OSBP2: variants seen among roughly 807,000 people sequenced by gnomAD.
OSBP2 encodes oxysterol binding protein 2, also known as oxysterol-binding protein 2.
Under a neutral mutation model 96.0 loss-of-function variants are expected in OSBP2, and 66 were observed. That is an observed-to-expected ratio of 0.69 (90% CI 0.56 to 0.84). The LOEUF is 0.84. OSBP2 is among the 40% of genes least tolerant of loss of function. The pLI, the probability that OSBP2 is intolerant of heterozygous loss-of-function variation, is 0.00. For missense variants in OSBP2, 1,038 were observed against 1,222.7 expected (o/e 0.85, Z 2.25); for synonymous variants, 525 against 520.9 (o/e 1.01, Z -0.11).
At chr22:30,904,093 C>A (rs999609308) in intron 12 of OSBP2, among the ~76,000 whole-genome samples, 1 of 152,190 alleles carries the variant, frequency 6.6e-6, no homozygotes, top group African/African-American at 2.4e-5. Context: ...GTACCCAAAT[C>A]CCAGTCTTCC....
chr22:30,883,653 C>T (rs2039746633), intron 3 of OSBP2, among the ~76,000 whole-genome samples: 1 of 152,176 alleles, frequency 6.6e-6, no homozygotes, highest in Non-Finnish European at 1.5e-5. Flanking sequence ...CTGGCTCTGC[C>T]ACCTCCTTGC....
rs140445767 is a variant in OSBP2, at chr22:30,758,211, G to A, written c.853+16842G>A. Among the ~76,000 whole-genome samples the A allele has an allele frequency of 2.0e-3, 308 of 152,198 alleles. 1 individual carries two copies. Among genetic ancestry groups the A allele is most frequent in the South Asian group, 0.013 (63 of 4,812 alleles). On this transcript the variant is annotated intron_variant, in intron 2 of 13. Transcript: ENST00000332585. ...GAGGCCAGGAGTTCGAGACCGGCCT[G>A]GCCAACATGGTGAAACCCCATCTCT...
At chr22:30,781,416 C>T (rs1199373702) in intron 2 of OSBP2, among the ~76,000 whole-genome samples, 4 of 152,146 alleles carry the variant, frequency 2.6e-5, no homozygotes, top group African/African-American at 4.8e-5. Context: ...CCATTCCTGA[C>T]TTTAGTTAAT....
In OSBP2 at chr22:30,711,111, G is replaced by A. The variant is rs943849563; in HGVS notation, c.644+15558G>A. ...CAAGGAGCCACATTTCTTTTTGGTG[G>A]GAAATAGTGTTTGAAGATCATAATC... On this transcript the variant is annotated intron_variant, in intron 1 of 13. Coordinates refer to ENST00000332585, the MANE Select transcript of OSBP2 (RefSeq NM_030758.4). Among the ~76,000 whole-genome samples the A allele has an allele frequency of 1.2e-4, 18 of 152,032 alleles. 1 individual carries two copies. Among genetic ancestry groups the A allele is most frequent in the Non-Finnish European group, 4.4e-5 (3 of 68,016 alleles).
chr22:30,748,628 G>T (rs569217199), intron 2 of OSBP2, among the ~76,000 whole-genome samples: 12 of 152,282 alleles, frequency 7.9e-5, no homozygotes, highest in South Asian at 4.2e-4. Context: ...TGGTGTTGCG[G>T]TTCCTTTCTA....
intron 2 of OSBP2, among the ~76,000 whole-genome samples, chr22:30,838,972 CTCCCCCCTCCCCCCACCCT>C (rs1176066150): frequency 7.0e-5 from 9 of 128,208 alleles, no homozygotes; most frequent in Non-Finnish European, 1.0e-4. Context: ...TATACCTAAT[CTCCCCCCTCCCCCCACCCT>C]TCCCCCCTCC....
intron 13 of OSBP2, 55 bp from the exon 14 acceptor site, chr22:30,906,142 T>C (rs763538091): frequency 6.2e-6 from 10 of 1,612,212 alleles, no homozygotes; most frequent in South Asian, 1.1e-5. Flanking sequence ...CAGGGACGGA[T>C]TCCGGGGGAG....
At chr22:30,840,323 G>A (rs2412999) in intron 2 of OSBP2, among the ~76,000 whole-genome samples, 97,593 of 148,682 alleles carry the variant, frequency 0.66, 33,588 homozygotes, top group African/African-American at 0.89. Context: ...AAAAGAAAAA[G>A]GAAAAAAAAA....
intron 2 of OSBP2, among the ~76,000 whole-genome samples, chr22:30,790,775 T>A (rs959288718): frequency 2.0e-4 from 31 of 152,182 alleles, no homozygotes; most frequent in African/African-American, 7.5e-4. Context: ...ACCAATAAGC[T>A]TTTGGATGAA....
chr22:30,753,772 A>AT (rs1466929089), intron 2 of OSBP2, among the ~76,000 whole-genome samples: 1 of 152,224 alleles, frequency 6.6e-6, no homozygotes, highest in Non-Finnish European at 1.5e-5. Flanking sequence ...GGAGAAGGGC[A>AT]TATTTGCCTG....
intron 2 of OSBP2, among the ~76,000 whole-genome samples, chr22:30,858,272 C>G (rs371757158): frequency 0.01 from 1,561 of 150,866 alleles, 25 homozygotes; most frequent in East Asian, 0.042. Context: ...TCAGCCTCCC[C>G]AGTAGCTGGG....
At chr22:30,809,668 A>G (rs1194828260) in intron 2 of OSBP2, among the ~76,000 whole-genome samples, 1 of 152,178 alleles carries the variant, frequency 6.6e-6, no homozygotes, top group Non-Finnish European at 1.5e-5. Context: ...CTCTGTTCAT[A>G]TCAGGGAGCC....
intron 2 of OSBP2, among the ~76,000 whole-genome samples, chr22:30,763,649 A>AC (rs1478699720): frequency 6.6e-6 from 1 of 151,924 alleles, no homozygotes; most frequent in African/African-American, 2.4e-5. Context: ...AAAAAAAAAA[A>AC]AAACCCACAG....
intron 6 of OSBP2, 54 bp downstream of exon 6, chr22:30,889,288 T>G (rs1602421620): frequency 9.8e-6 from 15 of 1,523,662 alleles, no homozygotes; most frequent in East Asian, 2.3e-5. Context: ...GCCTAGGGGG[T>G]GGGAGGGACA....
At chr22:30,709,900 T>C (rs902978334) in intron 1 of OSBP2, among the ~76,000 whole-genome samples, 8 of 151,382 alleles carry the variant, frequency 5.3e-5, no homozygotes, top group Non-Finnish European at 8.8e-5. Flanking sequence ...TTTTTTTTTC[T>C]GAAATGGAGT....
intron 2 of OSBP2, among the ~76,000 whole-genome samples, chr22:30,862,755 CA>C (rs1418647141): frequency 1.3e-5 from 2 of 151,860 alleles, no homozygotes; most frequent in Non-Finnish European, 2.9e-5. Flanking sequence ...GGGTGGATCA[CA>C]AGGTCAGGCG....
chr22:30,840,651 T>C (rs2038733674), intron 2 of OSBP2, among the ~76,000 whole-genome samples: 1 of 151,926 alleles, frequency 6.6e-6, no homozygotes. Flanking sequence ...AGTGAAAGAG[T>C]TGATATGGGG....
At chr22:30,721,530 T>C (rs1356096294) in intron 1 of OSBP2, among the ~76,000 whole-genome samples, 1 of 152,172 alleles carries the variant, frequency 6.6e-6, no homozygotes, top group African/African-American at 2.4e-5. Context: ...CAACTGCCTA[T>C]GGTGTGGGGT....
At chr22:30,770,965 A>G (rs1339690113) in intron 2 of OSBP2, among the ~76,000 whole-genome samples, 1 of 152,214 alleles carries the variant, frequency 6.6e-6, no homozygotes, top group Non-Finnish European at 1.5e-5. Flanking sequence ...GCTCATTGCA[A>G]CTTGCCGCCT....
Sources: gnomAD v4.1 joint callset for allele counts (sites outside exome capture counted in the v4.1 genomes callset) on GRCh38, gnomAD v4.1.1 for gene constraint, MANE v1.5 for transcripts, NCBI Gene and HGNC (gene_info 2026-07-23, HGNC 2026-07-21) for gene names.